The following C12orf54 variants were observed in gnomAD, a reference collection of about 807,000 sequenced individuals.
C12orf54 encodes uncharacterized protein C12orf54.
In C12orf54, 24 loss-of-function variants were observed where a neutral mutation model predicts 26.4. The ratio of observed to expected loss-of-function variants is 0.91; its 90% CI spans 0.66 to 1.28. C12orf54 has a LOEUF of 1.28. C12orf54 is among the 50% of genes most tolerant of loss of function. The probability of loss-of-function intolerance (pLI) is 0.00; values close to 1 mark genes in which losing one functional copy is unlikely to be tolerated. For missense variants in C12orf54, 154 were observed against 150.9 expected (o/e 1.02, Z -0.11); for synonymous variants, 54 against 47.0 (o/e 1.15, Z -0.61).
chr12:48,470,559 G>C, the C12orf54 span, among the ~76,000 whole-genome samples: 1 of 152,072 alleles, frequency 6.6e-6, no homozygotes, highest in Admixed American at 6.6e-5. Flanking sequence ...ATAGAGTCTT[G>C]ATATTAGATC....
intron 3 of C12orf54, 24 bp from the exon 4 acceptor site, chr12:48,486,664 A>C: frequency 1.2e-5 from 19 of 1,606,174 alleles, no homozygotes; most frequent in African/African-American, 1.3e-5. Flanking sequence ...TATTGTTTCC[A>C]ACATTTGTTC....
intron 7 of C12orf54, 58 bp downstream of exon 7, chr12:48,493,053 G>A: frequency 6.7e-7 from 1 of 1,483,536 alleles, no homozygotes; most frequent in Non-Finnish European, 9.4e-7. Flanking sequence ...GGATATGGGT[G>A]TGCTGGCCAT....
the C12orf54 span, among the ~76,000 whole-genome samples, chr12:48,470,234 T>A: frequency 6.6e-6 from 1 of 152,218 alleles, no homozygotes; most frequent in East Asian, 1.9e-4. Flanking sequence ...GTGGATCAAA[T>A]GTATTTCTGT....
the C12orf54 span, among the ~76,000 whole-genome samples, chr12:48,470,136 A>G: frequency 6.6e-6 from 1 of 152,232 alleles, no homozygotes; most frequent in Non-Finnish European, 1.5e-5. Context: ...TACTACTCTG[A>G]ATAGTGCAGC....
At chr12:48,476,736 A>G in the C12orf54 span, among the ~76,000 whole-genome samples, 1 of 151,882 alleles carries the variant, frequency 6.6e-6, no homozygotes, top group Non-Finnish European at 1.5e-5. Flanking sequence ...GAGCACCCAG[A>G]TTCATAAAGC....
the C12orf54 span, among the ~76,000 whole-genome samples, chr12:48,467,949 G>A: frequency 6.6e-6 from 1 of 152,010 alleles, no homozygotes; most frequent in Non-Finnish European, 1.5e-5. Context: ...TCACTGGCCT[G>A]GATAATAATG....
the C12orf54 span, among the ~76,000 whole-genome samples, chr12:48,435,116 A>C: frequency 6.6e-6 from 1 of 152,238 alleles, no homozygotes; most frequent in Non-Finnish European, 1.5e-5. Flanking sequence ...TGACAAATGC[A>C]CAAGCCTCAG....
the C12orf54 span, among the ~76,000 whole-genome samples, chr12:48,423,090 A>G: frequency 2.6e-5 from 4 of 152,182 alleles, no homozygotes; most frequent in African/African-American, 9.6e-5. Context: ...TATTCATAAC[A>G]TAAAACAGTT....
At chr12:48,477,003 A>T in the C12orf54 span, among the ~76,000 whole-genome samples, 2 of 152,206 alleles carry the variant, frequency 1.3e-5, no homozygotes, top group Non-Finnish European at 2.9e-5. Flanking sequence ...GAAGTAAAGC[A>T]CTCCTCAGCA....
the C12orf54 span, among the ~76,000 whole-genome samples, chr12:48,415,078 GA>G: frequency 6.6e-6 from 1 of 152,154 alleles, no homozygotes; most frequent in Non-Finnish European, 1.5e-5. Context: ...ATGTCATCAA[GA>G]ACTCATTCCC....
chr12:48,487,328 G>A (rs1565571374), intron 4 of C12orf54, among the ~76,000 whole-genome samples: 1 of 152,154 alleles, frequency 6.6e-6, no homozygotes, highest in Non-Finnish European at 1.5e-5. Context: ...AAACTGAGCA[G>A]GAAAAGACTG....
At chr12:48,421,958 T>C in the C12orf54 span, among the ~76,000 whole-genome samples, 1 of 152,076 alleles carries the variant, frequency 6.6e-6, no homozygotes, top group Non-Finnish European at 1.5e-5. Flanking sequence ...CCAAGAACAA[T>C]CCAAGAGACT....
At chr12:48,434,604 C>T in the C12orf54 span, among the ~76,000 whole-genome samples, 6 of 152,300 alleles carry the variant, frequency 3.9e-5, no homozygotes, top group East Asian at 1.2e-3. Flanking sequence ...TGCGGTTCAC[C>T]AATATCCACT....
the C12orf54 span, among the ~76,000 whole-genome samples, chr12:48,426,989 T>C: frequency 1.3e-5 from 2 of 152,132 alleles, no homozygotes; most frequent in Non-Finnish European, 2.9e-5. Context: ...GCCATGCCCA[T>C]GGGGTTTTCT....
chr12:48,489,528 T>G (rs2731097), intron 5 of C12orf54, among the ~76,000 whole-genome samples: 1 of 151,686 alleles, frequency 6.6e-6, no homozygotes, highest in African/African-American at 2.4e-5. Flanking sequence ...CGGGTTCAAG[T>G]GAATCTCCTC....
At chr12:48,447,604 C>G in the C12orf54 span, among the ~76,000 whole-genome samples, 1 of 152,064 alleles carries the variant, frequency 6.6e-6, no homozygotes, top group African/African-American at 2.4e-5. Flanking sequence ...CTATTCCTCC[C>G]TATCCATACA....
At chr12:48,419,594 G>T in the C12orf54 span, among the ~76,000 whole-genome samples, 1 of 152,136 alleles carries the variant, frequency 6.6e-6, no homozygotes, top group Admixed American at 6.6e-5. Flanking sequence ...GATGATGGGG[G>T]GTAGGAGAGA....
chr12:48,469,584 A>C, the C12orf54 span, among the ~76,000 whole-genome samples: 1 of 152,172 alleles, frequency 6.6e-6, no homozygotes, highest in Non-Finnish European at 1.5e-5. Context: ...GGCAACATAC[A>C]TCCTCATCTT....
the C12orf54 span, among the ~76,000 whole-genome samples, chr12:48,425,347 G>A: frequency 6.6e-6 from 1 of 151,876 alleles, no homozygotes; most frequent in Non-Finnish European, 1.5e-5. Flanking sequence ...GGTTTTCTGT[G>A]TTAGTTTGCT....
Sources: allele counts gnomAD v4.1 joint callset (sites outside exome capture counted in the v4.1 genomes callset), GRCh38; gene constraint gnomAD v4.1.1; transcripts MANE v1.5; gene names NCBI Gene and HGNC (gene_info 2026-07-23, HGNC 2026-07-21).